The following DKK2 variants were observed in gnomAD, a reference collection of about 807,000 sequenced individuals.
DKK2 encodes the protein dickkopf-related protein 2.
In DKK2, 11 loss-of-function variants were observed where a neutral mutation model predicts 28.1. The observed-to-expected ratio is 0.39, with a 90% CI of 0.25 to 0.65. The LOEUF is 0.65. Among genes scored for constraint, DKK2 ranks in the 30% least tolerant of loss-of-function variants. The pLI, the probability that DKK2 is intolerant of heterozygous loss-of-function variation, is 0.47. For missense variants in DKK2, 326 were observed against 335.5 expected, an observed-to-expected ratio of 0.97 and a Z score of 0.22; for synonymous variants, 135 against 126.5, an observed-to-expected ratio of 1.07 and a Z score of -0.45.
chr4:106,975,241 A>G (rs1247450582), intron 1 of DKK2, among the ~76,000 whole-genome samples: 2 of 152,170 alleles, frequency 1.3e-5, no homozygotes, highest in Non-Finnish European at 2.9e-5. Context: ...TGGTATCAGG[A>G]TGATGCTGGC....
chr4:106,978,734 T>C (rs1722981153), intron 1 of DKK2, among the ~76,000 whole-genome samples: 1 of 151,952 alleles, frequency 6.6e-6, no homozygotes, highest in African/African-American at 2.4e-5. Flanking sequence ...CAGCCCCCTT[T>C]GCAGGGGAGT....
intron 1 of DKK2, among the ~76,000 whole-genome samples, chr4:107,025,380 A>G (rs1723759405): frequency 6.6e-6 from 1 of 152,242 alleles, no homozygotes; most frequent in South Asian, 2.1e-4. Flanking sequence ...ACACAGCAGA[A>G]GAGAAGAAAA....
intron 1 of DKK2, among the ~76,000 whole-genome samples, chr4:106,930,157 C>T (rs955820041): frequency 6.6e-5 from 10 of 152,250 alleles, no homozygotes; most frequent in Admixed American, 2.0e-4. Flanking sequence ...GCACAGTTTT[C>T]TGTTCATTTA....
intron 1 of DKK2, among the ~76,000 whole-genome samples, chr4:106,985,772 C>A (rs1490589067): frequency 6.8e-6 from 1 of 146,186 alleles, no homozygotes; most frequent in Non-Finnish European, 1.5e-5. Flanking sequence ...TCACAGATTG[C>A]ACCATTGTTC....
intron 1 of DKK2, among the ~76,000 whole-genome samples, chr4:106,977,745 G>A (rs1470124407): frequency 1.3e-5 from 2 of 152,094 alleles, no homozygotes; most frequent in African/African-American, 2.4e-5. Context: ...CTGTCAATTC[G>A]TCAAACTCAT....
intron 1 of DKK2, among the ~76,000 whole-genome samples, chr4:106,943,679 G>A (rs553484095): frequency 3.5e-4 from 53 of 152,174 alleles, no homozygotes; most frequent in African/African-American, 1.2e-3. Flanking sequence ...ACATTTTCAA[G>A]TACTATCATC....
chr4:107,001,796 G>T (rs1417149668), intron 1 of DKK2, among the ~76,000 whole-genome samples: 1 of 152,136 alleles, frequency 6.6e-6, no homozygotes, highest in African/African-American at 2.4e-5. Context: ...AAGAATGAAA[G>T]ACTACTTATT....
In DKK2 at chr4:107,012,217, GT is replaced by G. The variant is rs1723527707; in HGVS notation, c.222+23152del. On this transcript the variant is annotated intron_variant, in intron 1 of 3. Transcript: ENST00000285311. ...CACAGATTTTAAAGAAATTAAACCT[GT>G]TTTATGACAGCTTAAGACCCATCAC... Among the ~76,000 whole-genome samples the G allele has an allele frequency of 2.6e-5, 4 of 151,482 alleles. No homozygotes were observed. The South Asian group carries it at 8.3e-4, about 31-fold the overall frequency.
intron 1 of DKK2, among the ~76,000 whole-genome samples, chr4:106,962,181 G>A (rs1722696353): frequency 6.6e-6 from 1 of 152,094 alleles, no homozygotes; most frequent in South Asian, 2.1e-4. Context: ...GTCAACAGTA[G>A]AAATTACAGA....
At chr4:106,976,047 G>A (rs4599488) in intron 1 of DKK2, among the ~76,000 whole-genome samples, 30,572 of 152,130 alleles carry the variant, frequency 0.2, 3,356 homozygotes, top group East Asian at 0.42. Context: ...TAGTTGTGCG[G>A]TTTTGAGTGA....
intron 1 of DKK2, among the ~76,000 whole-genome samples, chr4:106,984,394 T>C (rs1160173025): frequency 6.6e-6 from 1 of 152,216 alleles, no homozygotes; most frequent in African/African-American, 2.4e-5. Context: ...TTTCTGTCTC[T>C]ATAAATGTGC....
chr4:107,030,152 C>A (rs1240788793), intron 1 of DKK2, among the ~76,000 whole-genome samples: 2 of 151,980 alleles, frequency 1.3e-5, no homozygotes, highest in Non-Finnish European at 2.9e-5. Flanking sequence ...TTAAAGTTTT[C>A]TTTGATTAAA....
intron 1 of DKK2, among the ~76,000 whole-genome samples, chr4:106,970,820 G>T (rs1722858847): frequency 6.6e-6 from 1 of 152,046 alleles, no homozygotes. Context: ...GGGGAAAACT[G>T]GTGGTCAGTT....
chr4:106,944,983 G>A lies in DKK2; in HGVS notation c.223-19034C>T, dbSNP rs1187993480. Among the ~76,000 whole-genome samples, 5 of 152,194 alleles carry A rather than the reference G, an allele frequency of 3.3e-5. No homozygotes were observed. In the South Asian group the frequency reaches 8.3e-4, roughly 25 times the overall value. On this transcript the variant is annotated intron_variant, in intron 1 of 3. Transcript: ENST00000285311. Reference sequence around the variant, plus strand: ...TGTTTCCACATTAAAATTGGATGAAGTGATGTTTATTATAAAACCTAGCAC... The same window carrying A: ...TGTTTCCACATTAAAATTGGATGAAATGATGTTTATTATAAAACCTAGCAC...
chr4:107,003,784 T>C (rs1262024992), intron 1 of DKK2, among the ~76,000 whole-genome samples: 2 of 152,210 alleles, frequency 1.3e-5, no homozygotes, highest in African/African-American at 4.8e-5. Flanking sequence ...CATAGGACCT[T>C]ATTAAAATTT....
At chr4:106,987,762 G>T (rs559866844) in intron 1 of DKK2, among the ~76,000 whole-genome samples, 1 of 151,790 alleles carries the variant, frequency 6.6e-6, no homozygotes, top group African/African-American at 2.4e-5. Flanking sequence ...GTTTCCTTTA[G>T]CTACCTCATA....
At chr4:106,930,449 A>G (rs527712890) in intron 1 of DKK2, among the ~76,000 whole-genome samples, 2 of 152,192 alleles carry the variant, frequency 1.3e-5, no homozygotes, top group Non-Finnish European at 2.9e-5. Context: ...GAAAGGAGAA[A>G]AAGTGTTTTG....
chr4:107,008,774 G>C (rs1489005207), intron 1 of DKK2, among the ~76,000 whole-genome samples: 1 of 151,858 alleles, frequency 6.6e-6, no homozygotes, highest in Non-Finnish European at 1.5e-5. Context: ...GCTTACACTT[G>C]TTTCCAAGTT....
intron 1 of DKK2, among the ~76,000 whole-genome samples, chr4:106,967,338 A>T (rs1206600316): frequency 2.0e-5 from 3 of 152,194 alleles, no homozygotes; most frequent in Non-Finnish European, 4.4e-5. Flanking sequence ...GAAGTACCAC[A>T]AAAATGTGGT....
Sources: gnomAD v4.1 joint callset for allele counts (sites outside exome capture counted in the v4.1 genomes callset) on GRCh38, gnomAD v4.1.1 for gene constraint, MANE v1.5 for transcripts, NCBI Gene and HGNC (gene_info 2026-07-23, HGNC 2026-07-21) for gene names.